Variants in SEMA3D observed in about 807,000 individuals in gnomAD.
SEMA3D encodes the protein semaphorin 3D.
Under a neutral mutation model 100.1 loss-of-function variants are expected in SEMA3D, and 84 were observed. The observed-to-expected ratio is 0.84, with a 90% CI of 0.70 to 1.01. The LOEUF (loss-of-function observed/expected upper bound fraction) is 1.01, where lower values mean the gene tolerates loss of function less well. Ranked by LOEUF, SEMA3D falls within the 50% of genes least tolerant of loss-of-function variation. The pLI is 0.00. For missense variants in SEMA3D, 875 were observed against 934.1 expected (o/e 0.94, Z 0.82); for synonymous variants, 312 against 320.7 (o/e 0.97, Z 0.29).
intron 3 of SEMA3D, among the ~76,000 whole-genome samples, chr7:85,119,681 C>T (rs533345567): frequency 6.6e-5 from 10 of 152,092 alleles, no homozygotes; most frequent in East Asian, 5.8e-4. Flanking sequence ...ACCTGTTTGA[C>T]GAAATAATCT....
the SEMA3D span, among the ~76,000 whole-genome samples, chr7:85,228,503 T>C: frequency 1.3e-5 from 2 of 152,152 alleles, no homozygotes; most frequent in South Asian, 2.1e-4. Flanking sequence ...TAATATTTAC[T>C]TCCAATGTCA....
chr7:85,087,012 A>G (rs1188856924), intron 4 of SEMA3D, among the ~76,000 whole-genome samples: 1 of 152,206 alleles, frequency 6.6e-6, no homozygotes, highest in Non-Finnish European at 1.5e-5. Flanking sequence ...TAATATTCTT[A>G]CTGCCTTTTG....
chr7:85,051,764 T>C (rs1273034751), intron 9 of SEMA3D, among the ~76,000 whole-genome samples: 1 of 151,956 alleles, frequency 6.6e-6, no homozygotes, highest in Admixed American at 6.6e-5. Flanking sequence ...TTTTTGTTAT[T>C]TACCATCTCA....
At chr7:85,244,211 G>A in the SEMA3D span, among the ~76,000 whole-genome samples, 4 of 152,150 alleles carry the variant, frequency 2.6e-5, no homozygotes, top group African/African-American at 9.7e-5. Flanking sequence ...GTGGACATGA[G>A]CAAAGAGAGA....
the SEMA3D span, among the ~76,000 whole-genome samples, chr7:85,245,409 T>C: frequency 6.6e-6 from 1 of 152,212 alleles, no homozygotes; most frequent in Non-Finnish European, 1.5e-5. Context: ...TTCAGACAAC[T>C]ATATGCCTGT....
intron 4 of SEMA3D, among the ~76,000 whole-genome samples, chr7:85,087,109 G>A (rs1458297169): frequency 6.6e-6 from 1 of 152,166 alleles, no homozygotes; most frequent in African/African-American, 2.4e-5. Flanking sequence ...AAAGTTGCAT[G>A]AAACAGCACA....
the SEMA3D span, among the ~76,000 whole-genome samples, chr7:85,245,404 A>C: frequency 6.6e-6 from 1 of 152,220 alleles, no homozygotes; most frequent in South Asian, 2.1e-4. Context: ...CAGTATTCAG[A>C]CAACTATATG....
intron 2 of SEMA3D, among the ~76,000 whole-genome samples, chr7:85,149,162 T>G (rs1022728384): frequency 6.6e-6 from 1 of 152,048 alleles, no homozygotes; most frequent in Admixed American, 6.6e-5. Context: ...AAGTAACACT[T>G]GGCCAGGCGT....
the SEMA3D span, among the ~76,000 whole-genome samples, chr7:85,249,113 C>T: frequency 1.3e-5 from 2 of 152,166 alleles, no homozygotes; most frequent in Non-Finnish European, 2.9e-5. Context: ...TTCCTCTCAA[C>T]TTTGCTGTTA....
chr7:85,219,259 T>G, the SEMA3D span, among the ~76,000 whole-genome samples: 18 of 151,942 alleles, frequency 1.2e-4, no homozygotes, highest in African/African-American at 4.3e-4. Context: ...GAAAAAGAAA[T>G]AAAACCAGGA....
chr7:85,248,790 TA>T, the SEMA3D span, among the ~76,000 whole-genome samples: 50 of 147,562 alleles, frequency 3.4e-4, no homozygotes, highest in East Asian at 9.8e-4. Context: ...ATGGAAACGG[TA>T]AAAAAAAAAG....
intron 1 of SEMA3D, among the ~76,000 whole-genome samples, chr7:85,186,306 A>T (rs567189405): frequency 6.6e-6 from 1 of 152,228 alleles, no homozygotes; most frequent in Admixed American, 6.5e-5. Flanking sequence ...TGCCCAGACC[A>T]GGAGGGGTGG....
At chr7:85,106,352 C>T (rs567939607) in intron 3 of SEMA3D, among the ~76,000 whole-genome samples, 4 of 152,042 alleles carry the variant, frequency 2.6e-5, no homozygotes, top group South Asian at 4.2e-4. Flanking sequence ...TAGAAAACAT[C>T]GGAAGGTCTT....
At chr7:85,119,807 C>T (rs929326018) in intron 3 of SEMA3D, among the ~76,000 whole-genome samples, 2 of 152,024 alleles carry the variant, frequency 1.3e-5, no homozygotes, top group Non-Finnish European at 2.9e-5. Context: ...ACCTGAGTGC[C>T]CCAGGTTTGG....
intron 2 of SEMA3D, among the ~76,000 whole-genome samples, chr7:85,125,898 C>T (rs1789554426): frequency 6.6e-6 from 1 of 151,746 alleles, no homozygotes; most frequent in Non-Finnish European, 1.5e-5. Flanking sequence ...TAGTGAAATG[C>T]ATAGGTTATA....
the SEMA3D span, among the ~76,000 whole-genome samples, chr7:85,245,299 T>A: frequency 6.6e-6 from 1 of 152,150 alleles, no homozygotes. Context: ...AGGCTGAGAA[T>A]AGAGATTCAG....
the SEMA3D span, among the ~76,000 whole-genome samples, chr7:85,225,087 TA>T: frequency 2.3e-4 from 3 of 12,990 alleles, no homozygotes; most frequent in African/African-American, 7.9e-4. Flanking sequence ...TATATATATA[TA>T]TATATATATA....
intron 9 of SEMA3D, among the ~76,000 whole-genome samples, chr7:85,054,585 G>T (rs1254634823): frequency 6.6e-6 from 1 of 152,090 alleles, no homozygotes; most frequent in Non-Finnish European, 1.5e-5. Context: ...AATGATCTGG[G>T]CTCACAAGTT....
chr7:85,165,147 A>G (rs1398262609), intron 1 of SEMA3D, among the ~76,000 whole-genome samples: 4 of 152,014 alleles, frequency 2.6e-5, no homozygotes, highest in Non-Finnish European at 5.9e-5. Context: ...GCACACCAAC[A>G]TGGCACATGT....
Sources: allele counts gnomAD v4.1 joint callset (sites outside exome capture counted in the v4.1 genomes callset), GRCh38; gene constraint gnomAD v4.1.1; transcripts MANE v1.5; gene names NCBI Gene and HGNC (gene_info 2026-07-23, HGNC 2026-07-21).